The following HERC4 variants were observed in gnomAD, a reference collection of about 807,000 sequenced individuals.
HERC4 encodes the protein HECT and RLD domain containing E3 ubiquitin protein ligase 4.
In HERC4, 28 loss-of-function variants were observed where a neutral mutation model predicts 124.3. That is an observed-to-expected ratio of 0.23 (90% CI 0.17 to 0.31). The LOEUF is 0.31. Among genes scored for constraint, HERC4 ranks in the 10% least tolerant of loss-of-function variants. The pLI is 1.00. For synonymous variants in HERC4, 407 were observed against 421.5 expected, an observed-to-expected ratio of 0.97 and a Z score of 0.42; for missense variants, 713 against 1,229.3, an observed-to-expected ratio of 0.58 and a Z score of 6.28.
At chr10:67,985,627 G>T (rs180913734) in intron 15 of HERC4, among the ~76,000 whole-genome samples, 1 of 152,212 alleles carries the variant, frequency 6.6e-6, no homozygotes, top group Admixed American at 6.5e-5. Flanking sequence ...ACCAAGTAAG[G>T]CTTCTCTTTT....
At chr10:67,957,811 C>CG (rs1366607743) in intron 16 of HERC4, among the ~76,000 whole-genome samples, 17 of 151,956 alleles carry the variant, frequency 1.1e-4, no homozygotes, top group African/African-American at 3.9e-4. Flanking sequence ...TCTGAATCTG[C>CG]ATTTTTTTTT....
chr10:68,018,502 C>T (rs2038399826), intron 8 of HERC4, among the ~76,000 whole-genome samples: 1 of 152,012 alleles, frequency 6.6e-6, no homozygotes, highest in South Asian at 2.1e-4. Context: ...CTAAACAGCA[C>T]ATTAAAACAA....
intron 15 of HERC4, among the ~76,000 whole-genome samples, chr10:67,967,060 T>A (rs10997891): frequency 5.3e-5 from 8 of 152,182 alleles, no homozygotes; most frequent in Non-Finnish European, 1.0e-4. Context: ...TTCATCGTGT[T>A]AGCCAGGATG....
At chr10:68,050,000 G>C (rs957578609) in intron 3 of HERC4, among the ~76,000 whole-genome samples, 30 of 152,128 alleles carry the variant, frequency 2.0e-4, no homozygotes, top group Non-Finnish European at 1.3e-4. Flanking sequence ...GAGTCCAGGA[G>C]TTCAGGACCA....
intron 8 of HERC4, among the ~76,000 whole-genome samples, chr10:68,014,477 C>T (rs1440163809): frequency 6.6e-6 from 1 of 152,182 alleles, no homozygotes; most frequent in Middle Eastern, 3.4e-3. Flanking sequence ...CGATTCAGCA[C>T]CAGAGTAGCA....
chr10:67,936,012 G>T, intron 22 of HERC4, 141 bp downstream of exon 22: 1 of 508,812 alleles, frequency 2.0e-6, no homozygotes, highest in Non-Finnish European at 3.5e-6. Context: ...AGGAGGAAAA[G>T]GCAGATTATT....
Position 68,073,192 on chromosome 10 carries a change from G to A in HERC4, c.-78-6C>T, listed in dbSNP as rs543683755. ...AAGTTGGAGGTACCCTATGTCTGAG[G>A]AAATAGAAAGAAGTTAATATGACTT... is the stretch of plus-strand genomic sequence containing the variant. On this transcript the variant is annotated splice_polypyrimidine_tract_variant and splice_region_variant and intron_variant, in intron 2 of 24. Coordinates refer to ENST00000373700, the MANE Select transcript of HERC4 (RefSeq NM_015601.4). The A allele has an allele frequency of 3.9e-5, 38 of 977,148 alleles. No homozygotes were observed. The South Asian group carries it at 5.7e-4, about 15-fold the overall frequency. The allele number at this position is 977,148 out of a possible 1,614,324, so 60.5% of individuals were successfully genotyped here.
chr10:67,994,827 C>T (rs527991121), intron 9 of HERC4: 1 of 153,036 alleles, frequency 6.5e-6, no homozygotes, highest in South Asian at 2.0e-4. Flanking sequence ...TCCCGAGTAA[C>T]TGAGATTACA....
At chr10:67,960,880 A>G (rs566820888) in intron 16 of HERC4, 24 of 308,808 alleles carry the variant, frequency 7.8e-5, no homozygotes, top group African/African-American at 4.6e-4. Flanking sequence ...GAGAGGATAA[A>G]TAGACTGGCA....
chr10:68,032,311 T>A (rs1050787439), intron 7 of HERC4, among the ~76,000 whole-genome samples: 2 of 152,192 alleles, frequency 1.3e-5, no homozygotes, highest in African/African-American at 4.8e-5. Flanking sequence ...CTGTGATCAC[T>A]GTAACTGCTT....
intron 7 of HERC4, among the ~76,000 whole-genome samples, chr10:68,031,471 T>C (rs1825201023): frequency 6.6e-6 from 1 of 152,200 alleles, no homozygotes. Context: ...TAAAATATGA[T>C]ATTAGGTTGG....
chr10:68,031,422 C>T (rs1195843042), intron 7 of HERC4, among the ~76,000 whole-genome samples: 1 of 152,066 alleles, frequency 6.6e-6, no homozygotes, highest in Non-Finnish European at 1.5e-5. Flanking sequence ...ATAAATAAGA[C>T]TTCAGTGATT....
chr10:68,028,392 A>G (rs60420669), intron 7 of HERC4, among the ~76,000 whole-genome samples: 15,256 of 152,176 alleles, frequency 0.1, 949 homozygotes, highest in Middle Eastern at 0.18. Context: ...TTTTGCAGTC[A>G]TTATTTCTTC....
At chr10:68,069,073 GAAAC>G in intron 3 of HERC4, 1 of 984,230 alleles carries the variant, frequency 1.0e-6, no homozygotes, top group Non-Finnish European at 1.2e-6. Flanking sequence ...TTTCTAACAT[GAAAC>G]AAATGGAAAT....
intron 15 of HERC4, among the ~76,000 whole-genome samples, chr10:67,973,564 T>C (rs746806435): frequency 2.6e-5 from 4 of 152,212 alleles, no homozygotes; most frequent in Non-Finnish European, 4.4e-5. Flanking sequence ...TTGTATTTTA[T>C]GAATATTATT....
In HERC4 at chr10:67,941,006, A is replaced by G; in HGVS notation, c.2437T>C (p.Tyr813His). ...IVDLHFPLAL[Y>H]KKLLKKKPSL... ...GGCTTCTTTTTCAGTAGTTTCTTAT[A>G]TAAAGCCAAAGGAAAATGGAGGTCC... Residue 813 changes from tyrosine to histidine, a missense_variant, in exon 20 of 25, where the codon TAT becomes CAT. Tyr to His is a moderately conservative substitution (Grantham distance 83). Transcript: ENST00000373700. 1 of 1,612,698 alleles carries G rather than the reference A, an allele frequency of 6.2e-7. No homozygotes were observed. The highest frequency in any genetic ancestry group is 8.5e-7 in the Non-Finnish European group (1 of 1,179,544).
intron 8 of HERC4, among the ~76,000 whole-genome samples, chr10:68,021,723 G>A (rs994253252): frequency 3.3e-5 from 5 of 152,178 alleles, no homozygotes; most frequent in South Asian, 2.1e-4. Flanking sequence ...CAGGAGAATC[G>A]CCTGAACCCA....
intron 9 of HERC4, among the ~76,000 whole-genome samples, chr10:68,003,222 T>C (rs1166130358): frequency 6.6e-6 from 1 of 152,030 alleles, no homozygotes; most frequent in East Asian, 1.9e-4. Flanking sequence ...AGTGGCTCAC[T>C]TGGCTCACTG....
chr10:68,005,830 T>G (rs2037511551), intron 9 of HERC4, among the ~76,000 whole-genome samples: 1 of 152,088 alleles, frequency 6.6e-6, no homozygotes, highest in Admixed American at 6.6e-5. Flanking sequence ...GCCTCCCAAA[T>G]AACTGGGACT....
Sources: gnomAD v4.1 joint callset for allele counts (sites outside exome capture counted in the v4.1 genomes callset) on GRCh38, gnomAD v4.1.1 for gene constraint, MANE v1.5 for transcripts, NCBI Gene and HGNC (gene_info 2026-07-23, HGNC 2026-07-21) for gene names.